The following PCDHGB3 variants were observed in gnomAD, a reference collection of about 807,000 sequenced individuals.
PCDHGB3 encodes protocadherin gamma subfamily B, 3.
A neutral mutation model predicts 59.2 loss-of-function variants in PCDHGB3; 40 were observed. The ratio of observed to expected loss-of-function variants is 0.68; its 90% confidence interval spans 0.52 to 0.88. The LOEUF is 0.88. PCDHGB3 is among the 40% of genes least tolerant of loss of function. The pLI is 0.00. For missense variants in PCDHGB3, 1,309 were observed against 1,187.9 expected, an observed-to-expected ratio of 1.10 and a Z score of -1.50; for synonymous variants, 581 against 503.6, an observed-to-expected ratio of 1.15 and a Z score of -2.06.
chr5:141,409,753 G>T, intron 1 of PCDHGB3: 1 of 1,613,006 alleles, frequency 6.2e-7, no homozygotes. Context: ...TGTTCGCGCA[G>T]CGCGCCTTTG....
chr5:141,445,252 A>G (rs2098461096), intron 1 of PCDHGB3, among the ~76,000 whole-genome samples: 1 of 152,224 alleles, frequency 6.6e-6, no homozygotes, highest in Non-Finnish European at 1.5e-5. Context: ...ATATTGTGTG[A>G]GAATATAAGT....
intron 1 of PCDHGB3, among the ~76,000 whole-genome samples, chr5:141,479,053 A>G (rs534968614): frequency 9.2e-5 from 14 of 152,334 alleles, no homozygotes; most frequent in African/African-American, 3.1e-4. Context: ...TCATTCTCAG[A>G]TAATTTTTTA....
At chr5:141,462,698 G>A (rs2099045237) in intron 1 of PCDHGB3, among the ~76,000 whole-genome samples, 1 of 152,062 alleles carries the variant, frequency 6.6e-6, no homozygotes. Context: ...ATTTATAATG[G>A]AGGTTTTAAA....
At chr5:141,449,471 G>T (rs1261821886) in intron 1 of PCDHGB3, among the ~76,000 whole-genome samples, 1 of 151,060 alleles carries the variant, frequency 6.6e-6, no homozygotes, top group African/African-American at 2.4e-5. Flanking sequence ...GCCAGGCCTG[G>T]TACCCCATGC....
rs569220332 is a variant in PCDHGB3, at chr5:141,475,688, A to G, written c.2416-19119A>G. 2.0e-5 allele frequency among the ~76,000 whole-genome samples: 3 copies of G among 152,330 alleles called. No homozygotes were observed. In the South Asian group the frequency reaches 6.2e-4, roughly 32 times the overall value. On this transcript the variant is annotated intron_variant, in intron 1 of 3. Coordinates refer to ENST00000576222, the MANE Select transcript of PCDHGB3 (RefSeq NM_018924.5). ...TTTAATGAGTCTTGATTTGGATTGG[A>G]GACTTGCAGAACGGCTAGCCTCACA...
intron 1 of PCDHGB3, chr5:141,409,471 A>G (rs2095271616): frequency 1.2e-6 from 2 of 1,613,860 alleles, no homozygotes; most frequent in Non-Finnish European, 1.7e-6. Flanking sequence ...TCACCATCGT[A>G]GCCACTGACA....
At chr5:141,407,738 A>G (rs928743977) in intron 1 of PCDHGB3, among the ~76,000 whole-genome samples, 3 of 152,046 alleles carry the variant, frequency 2.0e-5, no homozygotes, top group Admixed American at 2.0e-4. Context: ...CACTATATAT[A>G]CTCCCTACTG....
rs955615446 is a variant in PCDHGB3 at position 141,420,343 on chromosome 5, ATTATT to A, written c.2415+47538_2415+47542del. Reference sequence around the variant, plus strand: ...TGCCAATATATTCCAATATAGTGGTATTATTTTAAGATTCTAGATAACTTCTTCAT... The same window carrying A: ...TGCCAATATATTCCAATATAGTGGTATTAAGATTCTAGATAACTTCTTCAT... On this transcript the variant is annotated intron_variant, in intron 1 of 3. Transcript: ENST00000576222. 8 of 1,394,426 alleles carry A rather than the reference ATTATT, an allele frequency of 5.7e-6. No homozygotes were observed. In the African/African-American group the frequency reaches 1.2e-4, roughly 20 times the overall value. 86.4% of individuals were successfully genotyped at this position (1,394,426 alleles called of 1,614,324 possible).
chr5:141,486,189 A>T lies in PCDHGB3; in HGVS notation c.2416-8618A>T, dbSNP rs761466492. 6.2e-7 allele frequency: 1 copy of T among 1,614,062 alleles called. No individual in the cohort carries two copies. Among genetic ancestry groups the T allele is most frequent in the Non-Finnish European group, 8.5e-7 (1 of 1,179,994 alleles). ...GAGCAACATTGCAGCCTTCGAGTGG[A>T]TCTGCTGGACGTAAATGACAATGCC... is the stretch of plus-strand genomic sequence containing the variant. On this transcript the variant is annotated intron_variant, in intron 1 of 3. Coordinates refer to ENST00000576222, the MANE Select transcript of PCDHGB3 (RefSeq NM_018924.5). The surrounding 1 kb of genome is among the most constrained non-coding windows in gnomAD (Gnocchi z 5.0).
intron 1 of PCDHGB3, among the ~76,000 whole-genome samples, chr5:141,437,886 C>T (rs763669578): frequency 1.1e-4 from 17 of 152,140 alleles, no homozygotes; most frequent in Non-Finnish European, 1.5e-4. Context: ...TACAGGCACA[C>T]GCCACCACAC....
rs1014896576 is a variant in PCDHGB3, at chr5:141,512,427, C to T, written c.*1254C>T. 6.5e-6 allele frequency: 1 copy of T among 152,788 alleles called. No individual in the cohort carries two copies. Among genetic ancestry groups the T allele is most frequent in the African/African-American group, 2.4e-5 (1 of 41,460 alleles). The allele number at this position is 152,788 out of a possible 1,614,324, so 9.5% of individuals were successfully genotyped here. A position where few individuals can be genotyped will look rare whatever the true frequency, so the allele number is the denominator to read the frequency against. On this transcript the variant is annotated 3_prime_UTR_variant, in exon 4 of 4. Transcript: ENST00000576222. ...GGGCTTCTTCAACAGGGCCCCTGCC[C>T]TCCTGAAGCCTCAGTCCTTCACCTT...
At position 141,431,496 on chromosome 5, in the gene PCDHGB3, A is replaced by C. The variant is rs1223687647; in HGVS notation, c.2415+58687A>C. On this transcript the variant is annotated intron_variant, in intron 1 of 3. Coordinates refer to ENST00000576222, the MANE Select transcript of PCDHGB3 (RefSeq NM_018924.5). This position sits in a 1 kb window ranked among gnomAD's most constrained non-coding sequence, Gnocchi z 4.8. ...AACGCACCAGCGTTTGCTCAGCCCGAGTACCGCGCGAGCGTTCCGGAGAAT... is the reference window on the plus strand; with the variant it reads ...AACGCACCAGCGTTTGCTCAGCCCGCGTACCGCGCGAGCGTTCCGGAGAAT... 5 of 1,614,020 alleles carry C rather than the reference A, an allele frequency of 3.1e-6. No individual in the cohort carries two copies. The South Asian group carries it at 4.4e-5, about 14-fold the overall frequency.
chr5:141,414,783 G>C, intron 1 of PCDHGB3: 2 of 1,614,220 alleles, frequency 1.2e-6, no homozygotes, highest in Non-Finnish European at 1.7e-6. Context: ...AGATGCAGGT[G>C]ACAGCCAGCG....
intron 1 of PCDHGB3, among the ~76,000 whole-genome samples, chr5:141,446,758 C>A (rs776925316): frequency 6.6e-6 from 1 of 152,326 alleles, no homozygotes; most frequent in Non-Finnish European, 1.5e-5. Flanking sequence ...TGAGCCACCG[C>A]GCCCAGCCGG....
In PCDHGB3 at chr5:141,431,509, C is replaced by T. The variant is rs774558486; in HGVS notation, c.2415+58700C>T. The T allele has an allele frequency of 3.1e-6, 5 of 1,613,992 alleles. 1 individual carries two copies. In the Admixed American group the frequency reaches 5.0e-5, roughly 16 times the overall value. On this transcript the variant is annotated intron_variant, in intron 1 of 3. Coordinates refer to ENST00000576222, the MANE Select transcript of PCDHGB3 (RefSeq NM_018924.5). This position sits in a 1 kb window ranked among gnomAD's most constrained non-coding sequence, Gnocchi z 4.8. ...TTGCTCAGCCCGAGTACCGCGCGAG[C>T]GTTCCGGAGAATCTGGCCTTGGGCA...
At chr5:141,461,617 C>T (rs1297064745) in intron 1 of PCDHGB3, among the ~76,000 whole-genome samples, 1 of 152,090 alleles carries the variant, frequency 6.6e-6, no homozygotes, top group African/African-American at 2.4e-5. Flanking sequence ...AAAGTATTTT[C>T]TAATACACCT....
chr5:141,384,491 G>A (rs1370590293), intron 1 of PCDHGB3: 7 of 1,614,160 alleles, frequency 4.3e-6, no homozygotes, highest in East Asian at 4.5e-5. Flanking sequence ...CTACAACTAA[G>A]AGTGACTGCA....
chr5:141,405,326 T>C (rs764056952), intron 1 of PCDHGB3: 2 of 1,614,220 alleles, frequency 1.2e-6, no homozygotes, highest in South Asian at 2.2e-5. Context: ...TGAGCCTTTG[T>C]GCGTCTCTGT....
At chr5:141,456,309 A>T (rs1305324857) in intron 1 of PCDHGB3, among the ~76,000 whole-genome samples, 1 of 152,138 alleles carries the variant, frequency 6.6e-6, no homozygotes, top group Non-Finnish European at 1.5e-5. Flanking sequence ...AACAGCAGCT[A>T]GGGCTCCTCC....
Sources: gnomAD v4.1 joint callset for allele counts (sites outside exome capture counted in the v4.1 genomes callset) on GRCh38, gnomAD v4.1.1 for gene constraint, Gnocchi (gnomAD v3.1) non-coding constraint, MANE v1.5 for transcripts, NCBI Gene and HGNC (gene_info 2026-07-23, HGNC 2026-07-21) for gene names.